Variants in ACO1 observed in about 807,000 individuals in gnomAD.
ACO1 encodes aconitase 1.
A neutral mutation model predicts 105.1 loss-of-function variants in ACO1; 78 were observed. That is an observed-to-expected ratio of 0.74 (90% CI 0.62 to 0.90). ACO1 has a LOEUF of 0.90. Among genes scored for constraint, ACO1 ranks in the 40% least tolerant of loss-of-function variants. The pLI is 0.00. For synonymous variants in ACO1, 364 were observed against 397.4 expected (o/e 0.92, Z 1.00); for missense variants, 965 against 1,111.1 (o/e 0.87, Z 1.87).
chr9:32,441,143 T>A (rs1367082233), intron 19 of ACO1, among the ~76,000 whole-genome samples: 1 of 152,194 alleles, frequency 6.6e-6, no homozygotes, highest in Non-Finnish European at 1.5e-5. Context: ...GAATATCTGC[T>A]TATGGGCTCT....
intron 4 of ACO1, among the ~76,000 whole-genome samples, chr9:32,414,392 G>C (rs1266161400): frequency 1.3e-5 from 2 of 152,154 alleles, no homozygotes; most frequent in Non-Finnish European, 2.9e-5. Context: ...AGTTCTGAGT[G>C]GTAGAAAATT....
chr9:32,390,018 G>A (rs1261579577), intron 1 of ACO1, among the ~76,000 whole-genome samples: 2 of 152,118 alleles, frequency 1.3e-5, no homozygotes, highest in Non-Finnish European at 2.9e-5. Context: ...GGTTGGTCTC[G>A]AATTCCTTAC....
intron 18 of ACO1, among the ~76,000 whole-genome samples, chr9:32,437,761 G>A (rs1310597915): frequency 6.6e-6 from 1 of 152,078 alleles, no homozygotes; most frequent in Non-Finnish European, 1.5e-5. Flanking sequence ...TTCATTTTCT[G>A]TTGCTATGAA....
chr9:32,391,585 C>G (rs1348358007), intron 1 of ACO1, among the ~76,000 whole-genome samples: 1 of 152,178 alleles, frequency 6.6e-6, no homozygotes, highest in African/African-American at 2.4e-5. Flanking sequence ...TAAGGAGAAC[C>G]CTGGGCAAGC....
chr9:32,441,875 G>C (rs746212643), intron 19 of ACO1, among the ~76,000 whole-genome samples: 1 of 152,252 alleles, frequency 6.6e-6, no homozygotes, highest in Non-Finnish European at 1.5e-5. Context: ...TACTTACAGA[G>C]AGCAGTGGAC....
In ACO1 at chr9:32,425,977, C is replaced by T. The variant is rs776431987; in HGVS notation, c.1328C>T (p.Pro443Leu). The change falls in exon 11 of 21, where the codon CCG becomes CTG. Residue 443 changes from proline to leucine, a missense_variant. Coordinates refer to ENST00000309951, the MANE Select transcript of ACO1 (RefSeq NM_002197.3). ...ACTAGCTGCACAAACACCAGTAATCCGTCTGTGATGTTAGGGGCAGGTAAG... is the reference window on the plus strand; with the variant it reads ...ACTAGCTGCACAAACACCAGTAATCTGTCTGTGATGTTAGGGGCAGGTAAG... Reference protein sequence around the residue: ...AITSCTNTSNPSVMLGAGLLA... With the variant: ...AITSCTNTSNLSVMLGAGLLA... 7.4e-6 allele frequency: 12 copies of T among 1,613,630 alleles called. No individual in the cohort carries two copies. Among genetic ancestry groups the T allele is most frequent in the African/African-American group, 1.3e-5 (1 of 74,886 alleles).
chr9:32,438,047 A>G (rs1006604029), intron 18 of ACO1, among the ~76,000 whole-genome samples: 3 of 152,236 alleles, frequency 2.0e-5, no homozygotes, highest in Non-Finnish European at 4.4e-5. Context: ...CTGAAGGCCC[A>G]TCTAAATAAT....
chr9:32,408,485 T>C lies in ACO1; in HGVS notation c.267-29T>C, dbSNP rs760881923. On this transcript the variant is annotated intron_variant, in intron 3 of 20. Transcript: ENST00000309951. ...CCAGTTACACACATTTAAGGCTTAT[T>C]TTCTGCATTATTCTCTTTCTTCTCT... The C allele has an allele frequency of 8.1e-5, 130 of 1,612,580 alleles. 4 individuals carry two copies. The Admixed American group carries it at 2.2e-3, about 27-fold the overall frequency.
chr9:32,412,941 A>G (rs1821771504), intron 4 of ACO1, among the ~76,000 whole-genome samples: 1 of 152,054 alleles, frequency 6.6e-6, no homozygotes, highest in Non-Finnish European at 1.5e-5. Flanking sequence ...TATAGTTTTC[A>G]TGTCTAAACT....
chr9:32,428,339 A>G (rs1447267019), intron 12 of ACO1, among the ~76,000 whole-genome samples: 1 of 151,436 alleles, frequency 6.6e-6, no homozygotes, highest in Non-Finnish European at 1.5e-5. Context: ...ACACCGGGTC[A>G]GGATTGTCAG....
At chr9:32,447,546 A>G (rs1471841592) in intron 19 of ACO1, among the ~76,000 whole-genome samples, 2 of 152,086 alleles carry the variant, frequency 1.3e-5, no homozygotes, top group South Asian at 4.1e-4. Flanking sequence ...ATTACCACCC[A>G]CCTTCTGAAG....
At chr9:32,405,241 C>G (rs895212249) in intron 1 of ACO1, among the ~76,000 whole-genome samples, 2 of 152,250 alleles carry the variant, frequency 1.3e-5, no homozygotes, top group East Asian at 3.8e-4. Context: ...ACACAGGCTG[C>G]TTCTCAATCA....
At chr9:32,417,769 G>A (rs1036287850) in intron 4 of ACO1, among the ~76,000 whole-genome samples, 2 of 152,166 alleles carry the variant, frequency 1.3e-5, no homozygotes, top group African/African-American at 2.4e-5. Context: ...CATGGATGAG[G>A]AGTATAGAAA....
chr9:32,421,322 GCCTA>G (rs1821969698), intron 8 of ACO1, among the ~76,000 whole-genome samples: 1 of 152,144 alleles, frequency 6.6e-6, no homozygotes, highest in African/African-American at 2.4e-5. Context: ...GGTTACTGCT[GCCTA>G]TGGGGTACTT....
At position 32,400,627 on chromosome 9, in the gene ACO1, C is replaced by T. The variant is rs544787909; in HGVS notation, c.-22-4858C>T. 6.0e-4 allele frequency among the ~76,000 whole-genome samples: 91 copies of T among 152,302 alleles called. 1 individual carries two copies. Among genetic ancestry groups the T allele is most frequent in the African/African-American group, 2.1e-3 (87 of 41,562 alleles). The stretch of plus-strand genomic sequence containing the variant: ...TGCATTTGTAGTTCCAGGAACTTTA[C>T]GGACCATTCTATCTTTCTTTCAAAG... On this transcript the variant is annotated intron_variant, in intron 1 of 20. Transcript: ENST00000309951.
chr9:32,420,525 C>T (rs1204101377), intron 7 of ACO1, among the ~76,000 whole-genome samples: 1 of 152,150 alleles, frequency 6.6e-6, no homozygotes, highest in African/African-American at 2.4e-5. Context: ...TGTTATCTTT[C>T]TCCCAGCTTC....
In ACO1 at chr9:32,453,197, GAGTT is replaced by G. The variant is rs201836567; in HGVS notation, c.*3092_*3095del. On this transcript the variant is annotated 3_prime_UTR_variant, in exon 21 of 21. Transcript: ENST00000309951. ...ATTCCTGGCATCCGCAGCAAGCTAA[GAGTT>G]AGTTAATATTTTTAATATAGCAAAT... is the stretch of plus-strand genomic sequence containing the variant. The G allele has an allele frequency of 6.6e-6, 1 of 152,022 alleles. No homozygotes were observed. Among genetic ancestry groups the G allele is most frequent in the Non-Finnish European group, 1.5e-5 (1 of 68,004 alleles). 9.4% of individuals were successfully genotyped at this position (152,022 alleles called of 1,614,324 possible).
intron 1 of ACO1, among the ~76,000 whole-genome samples, chr9:32,388,787 A>G (rs1821206049): frequency 1.3e-5 from 2 of 152,214 alleles, no homozygotes; most frequent in African/African-American, 4.8e-5. Context: ...ATGTGTGCCT[A>G]TCTTATAAGG....
chr9:32,429,571 T>C (rs1822180193), intron 13 of ACO1, 68 bp downstream of exon 13: 1 of 1,382,050 alleles, frequency 7.2e-7, no homozygotes, highest in African/African-American at 1.4e-5. Flanking sequence ...ACAAAAATGC[T>C]GATATTTTCA....
Sources: allele counts gnomAD v4.1 joint callset (sites outside exome capture counted in the v4.1 genomes callset), GRCh38; gene constraint gnomAD v4.1.1; transcripts MANE v1.5; gene names NCBI Gene and HGNC (gene_info 2026-07-23, HGNC 2026-07-21).